SLC39A11: variants seen among roughly 807,000 people sequenced by gnomAD.
The protein encoded by SLC39A11 is solute carrier family 39 member 11.
Under a neutral mutation model 36.1 loss-of-function variants are expected in SLC39A11, and 33 were observed. The observed-to-expected ratio is 0.91, with a 90% confidence interval of 0.69 to 1.22. The LOEUF is 1.22. Ranked by LOEUF, SLC39A11 falls within the 50% of genes most tolerant of loss-of-function variation. The probability of loss-of-function intolerance (pLI) is 0.00; values close to 1 mark genes in which losing one functional copy is unlikely to be tolerated. For synonymous variants in SLC39A11, 166 were observed against 170.3 expected (o/e 0.97, Z 0.20); for missense variants, 432 against 430.3 (o/e 1.00, Z -0.03).
intron 4 of SLC39A11, among the ~76,000 whole-genome samples, chr17:72,971,594 G>A (rs59856111): frequency 0.043 from 6,551 of 152,216 alleles, 494 homozygotes; most frequent in African/African-American, 0.15. Flanking sequence ...ACAGCATTTC[G>A]AGGAAGCTTG....
At chr17:72,896,168 AT>A (rs2082015318) in intron 5 of SLC39A11, among the ~76,000 whole-genome samples, 1 of 134,310 alleles carries the variant, frequency 7.4e-6, no homozygotes, top group African/African-American at 2.8e-5. Context: ...AAAAGAGAAC[AT>A]TTGGGGATTG....
chr17:72,930,343 A>G (rs1311998005), intron 5 of SLC39A11, among the ~76,000 whole-genome samples: 1 of 152,176 alleles, frequency 6.6e-6, no homozygotes, highest in African/African-American at 2.4e-5. Context: ...GCTTAATCCC[A>G]TAACTAGCAA....
chr17:73,070,422 T>G (rs982361804), intron 3 of SLC39A11, among the ~76,000 whole-genome samples: 5 of 152,220 alleles, frequency 3.3e-5, no homozygotes, highest in African/African-American at 1.2e-4. Context: ...CCATTCTTTA[T>G]GTCCAGAGCT....
intron 3 of SLC39A11, chr17:73,068,267 A>G: frequency 1.4e-6 from 1 of 711,584 alleles, no homozygotes; most frequent in Non-Finnish European, 2.5e-6. Context: ...AAGCTGCAAC[A>G]TGGACTGCGG....
intron 6 of SLC39A11, among the ~76,000 whole-genome samples, chr17:72,792,736 T>C (rs549570303): frequency 6.6e-6 from 1 of 152,294 alleles, no homozygotes; most frequent in East Asian, 1.9e-4. Flanking sequence ...TGTGGGAGGT[T>C]AAGGTCAGGG....
At chr17:72,740,615 G>C (rs2074653057) in intron 6 of SLC39A11, among the ~76,000 whole-genome samples, 1 of 152,038 alleles carries the variant, frequency 6.6e-6, no homozygotes, top group Non-Finnish European at 1.5e-5. Flanking sequence ...ACTTTGTGTG[G>C]GTCCCGTGCT....
intron 3 of SLC39A11, among the ~76,000 whole-genome samples, chr17:73,049,219 G>A (rs936160503): frequency 1.3e-5 from 2 of 152,172 alleles, no homozygotes; most frequent in African/African-American, 4.8e-5. Context: ...GGCCAAAGGC[G>A]CTACAGCACT....
chr17:72,852,266 C>T (rs2079389782), intron 5 of SLC39A11, among the ~76,000 whole-genome samples: 1 of 146,916 alleles, frequency 6.8e-6, no homozygotes, highest in African/African-American at 2.5e-5. Context: ...TATTTATTTG[C>T]TCAAATCCTA....
At chr17:73,001,779 A>G (rs1282080224) in intron 4 of SLC39A11, among the ~76,000 whole-genome samples, 2 of 152,146 alleles carry the variant, frequency 1.3e-5, no homozygotes, top group African/African-American at 4.8e-5. Flanking sequence ...GAGGCAAAAG[A>G]AAGACAAGAC....
chr17:72,651,628 G>C (rs73343576), intron 7 of SLC39A11, among the ~76,000 whole-genome samples: 7,937 of 152,304 alleles, frequency 0.052, 215 homozygotes, highest in Middle Eastern at 0.085. Flanking sequence ...TGACTTAGGA[G>C]CTGTGGGGCC....
chr17:72,689,218 T>G (rs1381874145), intron 7 of SLC39A11, among the ~76,000 whole-genome samples: 1 of 152,192 alleles, frequency 6.6e-6, no homozygotes, highest in Admixed American at 6.5e-5. Flanking sequence ...TGGTTCTAAA[T>G]GCAGTCGAGA....
intron 4 of SLC39A11, among the ~76,000 whole-genome samples, chr17:72,951,525 A>T (rs758863057): frequency 6.6e-6 from 1 of 152,208 alleles, no homozygotes; most frequent in Non-Finnish European, 1.5e-5. Flanking sequence ...AAAAAAGCCA[A>T]GTCTCCTGTC....
Position 73,067,798 on chromosome 17 carries a change from T to G in SLC39A11, c.147+17010A>C. The stretch of plus-strand genomic sequence containing the variant: ...TCTGTTAAGTCTCTTGCCACAAGCA[T>G]CACAACTTTTCAGAGCTGTCTCTTC... On this transcript the variant is annotated intron_variant, in intron 3 of 9. Coordinates refer to ENST00000255559, the MANE Select transcript of SLC39A11 (RefSeq NM_139177.4). 4.5e-6 allele frequency: 6 copies of G among 1,342,420 alleles called. No individual in the cohort carries two copies. The South Asian group carries it at 7.2e-5, about 16-fold the overall frequency. 83.2% of individuals were successfully genotyped at this position (1,342,420 alleles called of 1,614,324 possible).
chr17:73,045,373 A>C (rs2059247756), intron 3 of SLC39A11, among the ~76,000 whole-genome samples: 1 of 127,992 alleles, frequency 7.8e-6, no homozygotes, highest in Admixed American at 9.0e-5. Flanking sequence ...CTCCAGTGCC[A>C]TGAAAACAGA....
At chr17:72,696,278 G>A (rs1034340321) in intron 7 of SLC39A11, among the ~76,000 whole-genome samples, 19 of 151,992 alleles carry the variant, frequency 1.3e-4, no homozygotes, top group African/African-American at 2.9e-4. Context: ...TCCTTACCCC[G>A]GCCTCTGAGT....
rs10675859 is a variant in SLC39A11 at position 73,022,595 on chromosome 17, T to TAAAAA, written c.306+8956_306+8960dup. On this transcript the variant is annotated intron_variant, in intron 4 of 9. Coordinates refer to ENST00000255559, the MANE Select transcript of SLC39A11 (RefSeq NM_139177.4). ...GGGAGACAAGAGCAAAACTCCATCT[T>TAAAAA]AAAAAAAAAAAAAAAAAAAAAAAAA... Among the ~76,000 whole-genome samples, 167 of 56,748 alleles carry TAAAAA rather than the reference T, an allele frequency of 2.9e-3. 9 individuals carry two copies. Among genetic ancestry groups the TAAAAA allele is most frequent in the Non-Finnish European group, 3.7e-3 (129 of 35,080 alleles). 37.2% of individuals were successfully genotyped at this position (56,748 alleles called of 152,430 possible).
At chr17:73,075,312 T>G (rs1351907913) in intron 3 of SLC39A11, among the ~76,000 whole-genome samples, 1 of 152,066 alleles carries the variant, frequency 6.6e-6, no homozygotes, top group African/African-American at 2.4e-5. Flanking sequence ...CTCAGCAGAG[T>G]CAACTGAGGC....
intron 4 of SLC39A11, among the ~76,000 whole-genome samples, chr17:72,992,585 T>C (rs774071622): frequency 1.3e-5 from 2 of 152,326 alleles, no homozygotes; most frequent in Non-Finnish European, 2.9e-5. Context: ...GTTGTGTGTA[T>C]TGCAAATATC....
At chr17:72,997,293 G>A (rs985651554) in intron 4 of SLC39A11, among the ~76,000 whole-genome samples, 9 of 151,972 alleles carry the variant, frequency 5.9e-5, no homozygotes, top group South Asian at 2.1e-4. Context: ...TCGCTCTGTC[G>A]CCCAGGCTGG....
Sources: allele counts gnomAD v4.1 joint callset (sites outside exome capture counted in the v4.1 genomes callset), GRCh38; gene constraint gnomAD v4.1.1; transcripts MANE v1.5; gene names NCBI Gene and HGNC (gene_info 2026-07-23, HGNC 2026-07-21).